Variants in SLC24A2 observed in about 807,000 individuals in gnomAD.
SLC24A2 encodes solute carrier family 24 member 2, also known as sodium/potassium/calcium exchanger 2.
A neutral mutation model predicts 62.0 loss-of-function variants in SLC24A2; 36 were observed. The observed-to-expected ratio is 0.58, with a 90% CI of 0.44 to 0.77. The LOEUF is 0.77. Ranked by LOEUF, SLC24A2 falls within the 30% of genes least tolerant of loss-of-function variation. SLC24A2 has a pLI of 0.00. For synonymous variants in SLC24A2, 358 were observed against 294.0 expected, an observed-to-expected ratio of 1.22 and a Z score of -2.23; for missense variants, 846 against 817.9, an observed-to-expected ratio of 1.03 and a Z score of -0.42.
intron 2 of SLC24A2, among the ~76,000 whole-genome samples, chr9:19,760,650 AATG>A (rs901464939): frequency 1.3e-5 from 2 of 151,670 alleles, no homozygotes; most frequent in African/African-American, 4.8e-5. Flanking sequence ...GTTTGCTGAA[AATG>A]ATGGTTTCCA....
chr9:19,869,784 T>C, the SLC24A2 span, among the ~76,000 whole-genome samples: 1 of 152,202 alleles, frequency 6.6e-6, no homozygotes, highest in Admixed American at 6.5e-5. Context: ...TCTTAAAAAG[T>C]TAAAATAAAA....
the SLC24A2 span, among the ~76,000 whole-genome samples, chr9:19,898,283 A>G: frequency 6.6e-6 from 1 of 152,184 alleles, no homozygotes; most frequent in Non-Finnish European, 1.5e-5. Flanking sequence ...TATGTGTATC[A>G]TGCTTAATAG....
intron 2 of SLC24A2, among the ~76,000 whole-genome samples, chr9:19,767,264 TG>T (rs1351334205): frequency 6.6e-6 from 1 of 152,298 alleles, no homozygotes; most frequent in East Asian, 1.9e-4. Flanking sequence ...CTAGACCACT[TG>T]GCTCCCTGGC....
At chr9:20,258,543 TCTC>T in the SLC24A2 span, among the ~76,000 whole-genome samples, 7 of 152,218 alleles carry the variant, frequency 4.6e-5, no homozygotes, top group South Asian at 2.1e-4. Context: ...AGGACACTCT[TCTC>T]CTGTCCTCAG....
At chr9:19,990,918 A>G in the SLC24A2 span, among the ~76,000 whole-genome samples, 1 of 23,150 alleles carries the variant, frequency 4.3e-5, no homozygotes, top group Non-Finnish European at 1.3e-4. Flanking sequence ...GACAGGACTA[A>G]TAGGATATAT....
intron 2 of SLC24A2, among the ~76,000 whole-genome samples, chr9:19,660,518 G>A (rs1202318392): frequency 1.3e-5 from 2 of 152,130 alleles, no homozygotes; most frequent in African/African-American, 2.4e-5. Flanking sequence ...GGAAAATTGG[G>A]AAGGACTGCT....
chr9:19,963,503 A>T, the SLC24A2 span, among the ~76,000 whole-genome samples: 789 of 151,962 alleles, frequency 5.2e-3, 1 homozygote, highest in African/African-American at 0.017. Flanking sequence ...ATCTACAATG[A>T]ACTCAAACAA....
At chr9:20,159,628 G>A in the SLC24A2 span, among the ~76,000 whole-genome samples, 2 of 151,200 alleles carry the variant, frequency 1.3e-5, no homozygotes, top group Admixed American at 6.6e-5. Context: ...AGAGAGAAAG[G>A]GAAAAGTCAA....
chr9:19,712,901 A>G (rs1304398849), intron 2 of SLC24A2, among the ~76,000 whole-genome samples: 1 of 152,128 alleles, frequency 6.6e-6, no homozygotes, highest in East Asian at 1.9e-4. Flanking sequence ...CAGTTGTGAC[A>G]ATTAAAAACT....
At chr9:19,591,101 C>T (rs997692986) in intron 5 of SLC24A2, among the ~76,000 whole-genome samples, 19 of 152,252 alleles carry the variant, frequency 1.2e-4, no homozygotes, top group African/African-American at 3.6e-4. Context: ...GCCTTCTCTT[C>T]TCTATCAATT....
chr9:19,671,255 T>G (rs1020984094), intron 2 of SLC24A2, among the ~76,000 whole-genome samples: 2 of 151,940 alleles, frequency 1.3e-5, no homozygotes, highest in African/African-American at 4.8e-5. Flanking sequence ...CTTGTAGAAG[T>G]CTTTTACCTC....
At chr9:19,934,579 G>A in the SLC24A2 span, among the ~76,000 whole-genome samples, 183 of 152,304 alleles carry the variant, frequency 1.2e-3, 1 homozygote, top group Middle Eastern at 6.8e-3. This position sits in a 1 kb window ranked among gnomAD's most constrained non-coding sequence, Gnocchi z 4.1. Context: ...CTGCCTGCCA[G>A]GCAGCGTGCA....
At chr9:20,054,130 G>C in the SLC24A2 span, among the ~76,000 whole-genome samples, 1 of 151,736 alleles carries the variant, frequency 6.6e-6, no homozygotes, top group South Asian at 2.1e-4. Context: ...GCATGGAAAA[G>C]TTCTTTAATG....
chr9:20,230,573 T>C, the SLC24A2 span, among the ~76,000 whole-genome samples: 1 of 150,556 alleles, frequency 6.6e-6, no homozygotes, highest in Non-Finnish European at 1.5e-5. Context: ...CCAATTTTGA[T>C]GGGGTTGTTT....
At position 19,534,290 on chromosome 9, in the gene SLC24A2, C is replaced by T. The variant is rs185077106; in HGVS notation, c.1480-6152G>A. ...GTCTTGCTCTGTGGTTATATGTGGCCATGCCTGGTTTCCTTTACTAGACTT... is the reference window on the plus strand; with the variant it reads ...GTCTTGCTCTGTGGTTATATGTGGCTATGCCTGGTTTCCTTTACTAGACTT... On this transcript the variant is annotated intron_variant, in intron 8 of 10. Coordinates refer to ENST00000341998, the MANE Select transcript of SLC24A2 (RefSeq NM_020344.4). Among the ~76,000 whole-genome samples, 353 of 152,286 alleles carry T rather than the reference C, an allele frequency of 2.3e-3. 2 individuals are homozygous for T. Among genetic ancestry groups the T allele is most frequent in the African/African-American group, 7.7e-3 (318 of 41,566 alleles).
At chr9:19,540,714 GT>G (rs2132705794) in intron 8 of SLC24A2, among the ~76,000 whole-genome samples, 1 of 145,578 alleles carries the variant, frequency 6.9e-6, no homozygotes, top group African/African-American at 2.7e-5. Flanking sequence ...GAGTATCTTT[GT>G]GGCATTCTCT....
the SLC24A2 span, among the ~76,000 whole-genome samples, chr9:19,895,323 C>T: frequency 2.0e-5 from 3 of 150,854 alleles, no homozygotes; most frequent in African/African-American, 7.3e-5. Flanking sequence ...AATACATTTG[C>T]TGTCTTCTCA....
the SLC24A2 span, among the ~76,000 whole-genome samples, chr9:20,165,140 T>TA: frequency 6.6e-6 from 1 of 151,336 alleles, no homozygotes; most frequent in South Asian, 2.1e-4. Flanking sequence ...ATAATAATAA[T>TA]AAAAAAAGAA....
intron 4 of SLC24A2, among the ~76,000 whole-genome samples, chr9:19,614,537 T>C (rs1817715222): frequency 6.6e-6 from 1 of 152,210 alleles, no homozygotes; most frequent in African/African-American, 2.4e-5. Context: ...CCATGTTCTT[T>C]GGTATTCCTC....
Sources: allele counts gnomAD v4.1 joint callset (sites outside exome capture counted in the v4.1 genomes callset), GRCh38; gene constraint gnomAD v4.1.1; non-coding constraint Gnocchi (gnomAD v3.1); transcripts MANE v1.5; gene names NCBI Gene and HGNC (gene_info 2026-07-23, HGNC 2026-07-21).